STC2: variants seen among roughly 807,000 people sequenced by gnomAD.
STC2 encodes the protein stanniocalcin 2, also known as stanniocalcin-2.
STC2 carries 7 observed loss-of-function variants against 22.7 expected under a neutral mutation model. The ratio of observed to expected loss-of-function variants is 0.31; its 90% CI spans 0.18 to 0.58. The LOEUF (loss-of-function observed/expected upper bound fraction) is 0.58. Ranked by LOEUF, STC2 falls within the 20% of genes least tolerant of loss-of-function variation. STC2 has a pLI of 0.89. For synonymous variants in STC2, 158 were observed against 163.4 expected, an observed-to-expected ratio of 0.97 and a Z score of 0.25; for missense variants, 336 against 406.2, an observed-to-expected ratio of 0.83 and a Z score of 1.48.
chr5:173,323,409 C>T lies in STC2; in HGVS notation c.316G>A (p.Ala106Thr), dbSNP rs769283117. ...DAQGKSFIKD[A>T]LKCKAHALRH... The stretch of plus-strand genomic sequence containing the variant: ...AGAGCGTGGGCCTTACATTTCAAGG[C>T]GTCTTTGATGAATGACTTGCCCTGA... The change falls in exon 3 of 4, where the codon GCC becomes ACC. Residue 106 changes from alanine (A) to threonine (T), a missense_variant. Ala to Thr is a moderately conservative substitution (Grantham distance 58). Coordinates refer to ENST00000265087, the MANE Select transcript of STC2 (RefSeq NM_003714.3). The surrounding 1 kb of genome is among the most constrained non-coding windows in gnomAD (Gnocchi z 5.4). The T allele has an allele frequency of 5.1e-5, 82 of 1,612,466 alleles. No homozygotes were observed. The highest frequency in any genetic ancestry group is 6.4e-5 in the Non-Finnish European group (76 of 1,179,328).
In STC2 at chr5:173,315,997, G is replaced by C. The variant is rs1043949856; in HGVS notation, c.*1850C>G. ...GGCATAGAAATACTAGCTGTGTTTTGGTTGAAGGCATTCCCCAGGAACAAG... is the reference window on the plus strand; with the variant it reads ...GGCATAGAAATACTAGCTGTGTTTTCGTTGAAGGCATTCCCCAGGAACAAG... On this transcript the variant is annotated 3_prime_UTR_variant, in exon 4 of 4. Transcript: ENST00000265087. 1 of 152,226 alleles carries C rather than the reference G, an allele frequency of 6.6e-6. No homozygotes were observed. Among genetic ancestry groups the C allele is most frequent in the Non-Finnish European group, 1.5e-5 (1 of 68,062 alleles). The allele number at this position is 152,226 out of a possible 1,614,324, so 9.4% of individuals were successfully genotyped here.
In STC2 at chr5:173,328,288, C is replaced by A; in HGVS notation, c.-95G>T. On this transcript the variant is annotated 5_prime_UTR_variant, in exon 1 of 4. The change creates a new upstream start codon in the 5' untranslated region. Transcript: ENST00000265087. ...TCCTCCTTCGCCGCTTCCCCTCCTC[C>A]TCCCACTCTTCCTTTTTGCTCGCCT... 1 of 1,296,288 alleles carries A rather than the reference C, an allele frequency of 7.7e-7. No homozygotes were observed. The highest frequency in any genetic ancestry group is 2.1e-5 in the South Asian group (1 of 47,502). The allele number at this position is 1,296,288 out of a possible 1,614,324, so 80.3% of individuals were successfully genotyped here. A position where few individuals can be genotyped will look rare whatever the true frequency, so the allele number is the denominator to read the frequency against.
Position 173,325,806 on chromosome 5 carries a change from A to G in STC2, c.294+62T>C. On this transcript the variant is annotated intron_variant, in intron 2 of 3. Transcript: ENST00000265087. This position sits in a 1 kb window ranked among gnomAD's most constrained non-coding sequence, Gnocchi z 4.7. ...GGAAGTTGGTTAACAAGGCTTTCCAATGAACGTTTCAATCATGTATGCTCA... is the reference window on the plus strand; with the variant it reads ...GGAAGTTGGTTAACAAGGCTTTCCAGTGAACGTTTCAATCATGTATGCTCA... 4.4e-6 allele frequency: 7 copies of G among 1,605,954 alleles called. No individual in the cohort carries two copies. Among genetic ancestry groups the G allele is most frequent in the East Asian group, 2.2e-5 (1 of 44,694 alleles).
rs1762530984 is a variant in STC2, at chr5:173,325,118, T to C, written c.294+750A>G. 6.6e-6 allele frequency among the ~76,000 whole-genome samples: 1 copy of C among 152,210 alleles called. No homozygotes were observed. Among genetic ancestry groups the C allele is most frequent in the African/African-American group, 2.4e-5 (1 of 41,436 alleles). ...AAGCAGGAGAGACGTTTCTGAGATA[T>C]AGTAACAGGGCGTTTCAACAGGGCA... is the stretch of plus-strand genomic sequence containing the variant. On this transcript the variant is annotated intron_variant, in intron 2 of 3. Coordinates refer to ENST00000265087, the MANE Select transcript of STC2 (RefSeq NM_003714.3). The surrounding 1 kb of genome is among the most constrained non-coding windows in gnomAD (Gnocchi z 4.7).
At chr5:173,322,349 T>C (rs1228345390) in intron 3 of STC2, among the ~76,000 whole-genome samples, 1 of 152,210 alleles carries the variant, frequency 6.6e-6, no homozygotes, top group African/African-American at 2.4e-5. Flanking sequence ...TAGGAACAAT[T>C]GTGTACCAAC....
intron 2 of STC2, chr5:173,324,374 G>C (rs1762521212): frequency 6.6e-6 from 1 of 152,298 alleles, no homozygotes; most frequent in Non-Finnish European, 1.5e-5. Context: ...GCTGTCGTCG[G>C]AGAGGTCACC....
At position 173,328,384 on chromosome 5, in the gene STC2, A is replaced by T; in HGVS notation, c.-191T>A. The stretch of plus-strand genomic sequence containing the variant: ...GCCCTCCCGTAGCTCTCCGGAGAGC[A>T]TGTGACCAGGCCGTTAGCAGCGCCG... On this transcript the variant is annotated 5_prime_UTR_variant, in exon 1 of 4. It removes an upstream start codon present in the reference 5' UTR. Coordinates refer to ENST00000265087, the MANE Select transcript of STC2 (RefSeq NM_003714.3). The T allele has an allele frequency of 2.0e-6, 1 of 493,166 alleles. No homozygotes were observed. Among genetic ancestry groups the T allele is most frequent in the Non-Finnish European group, 3.3e-6 (1 of 302,838 alleles). The allele number at this position is 493,166 out of a possible 1,614,324, so 30.5% of individuals were successfully genotyped here.
In STC2 at chr5:173,323,450, G is replaced by A; in HGVS notation, c.295-20C>T. 3 of 1,588,736 alleles carry A rather than the reference G, an allele frequency of 1.9e-6. No individual in the cohort carries two copies. The highest frequency in any genetic ancestry group is 2.6e-6 in the Non-Finnish European group (3 of 1,165,666). ...CTTGCCCTGAGAACACACAGGCCGGGGAAGGGAGAGAGGGGCAGAAAGCAG... is the reference window on the plus strand; with the variant it reads ...CTTGCCCTGAGAACACACAGGCCGGAGAAGGGAGAGAGGGGCAGAAAGCAG... On this transcript the variant is annotated intron_variant, in intron 2 of 3. Coordinates refer to ENST00000265087, the MANE Select transcript of STC2 (RefSeq NM_003714.3). The surrounding 1 kb of genome is among the most constrained non-coding windows in gnomAD (Gnocchi z 5.4).
Position 173,317,736 on chromosome 5 carries a change from A to T in STC2, c.*111T>A, listed in dbSNP as rs1762438475. The T allele has an allele frequency of 1.4e-6, 2 of 1,409,686 alleles. No individual in the cohort carries two copies. The highest frequency in any genetic ancestry group is 1.9e-6 in the Non-Finnish European group (2 of 1,056,380). The allele number at this position is 1,409,686 out of a possible 1,614,324, so 87.3% of individuals were successfully genotyped here. On this transcript the variant is annotated 3_prime_UTR_variant, in exon 4 of 4. Coordinates refer to ENST00000265087, the MANE Select transcript of STC2 (RefSeq NM_003714.3). ...CACCTCGATGAAGTCCACAGTCCCC[A>T]CAGAATCCTGCGTGTGACATCCCCC... is the stretch of plus-strand genomic sequence containing the variant.
At chr5:173,319,582 T>G (rs1762463225) in intron 3 of STC2, among the ~76,000 whole-genome samples, 1 of 152,260 alleles carries the variant, frequency 6.6e-6, no homozygotes, top group Non-Finnish European at 1.5e-5. Context: ...CAGTTGTTGC[T>G]ATGTGGAAAG....
In STC2 at chr5:173,323,078, T is replaced by C; in HGVS notation, c.506+141A>G. 1 of 765,218 alleles carries C rather than the reference T, an allele frequency of 1.3e-6. No homozygotes were observed. Among genetic ancestry groups the C allele is most frequent in the South Asian group, 1.7e-5 (1 of 59,076 alleles). 47.4% of individuals were successfully genotyped at this position (765,218 alleles called of 1,614,324 possible). On this transcript the variant is annotated intron_variant, in intron 3 of 3. Coordinates refer to ENST00000265087, the MANE Select transcript of STC2 (RefSeq NM_003714.3). The surrounding 1 kb of genome is among the most constrained non-coding windows in gnomAD (Gnocchi z 5.4). Reference sequence around the variant, plus strand: ...GAAAGGGGCCTTTTAGTAGAGTCAGTGTAGCTTTCTGAAGTAAATGGAAGC... The same window carrying C: ...GAAAGGGGCCTTTTAGTAGAGTCAGCGTAGCTTTCTGAAGTAAATGGAAGC...
Position 173,315,296 on chromosome 5 carries a change from C to T in STC2, c.*2551G>A, listed in dbSNP as rs1398859361. Reference sequence around the variant, plus strand: ...TGCTTGCAGGAATGTGGACCTTCCTCAGTTTTAAGCAGAAGACCCTGAGCA... The same window carrying T: ...TGCTTGCAGGAATGTGGACCTTCCTTAGTTTTAAGCAGAAGACCCTGAGCA... On this transcript the variant is annotated 3_prime_UTR_variant, in exon 4 of 4. Coordinates refer to ENST00000265087, the MANE Select transcript of STC2 (RefSeq NM_003714.3). 6.6e-6 allele frequency: 1 copy of T among 152,166 alleles called. No individual in the cohort carries two copies. The highest frequency in any genetic ancestry group is 1.5e-5 in the Non-Finnish European group (1 of 68,036). The allele number at this position is 152,166 out of a possible 1,614,324, so 9.4% of individuals were successfully genotyped here. A position where few individuals can be genotyped will look rare whatever the true frequency, so the allele number is the denominator to read the frequency against.
In STC2 at chr5:173,316,825, G is replaced by A. The variant is rs1561642098; in HGVS notation, c.*1022C>T. On this transcript the variant is annotated 3_prime_UTR_variant, in exon 4 of 4. Coordinates refer to ENST00000265087, the MANE Select transcript of STC2 (RefSeq NM_003714.3). ...TTACCAATCTTGGCTGAGGGTCAAG[G>A]TGAGATAACGAAATCCTAAGGGAAA... 1 of 152,160 alleles carries A rather than the reference G, an allele frequency of 6.6e-6. No individual in the cohort carries two copies. Among genetic ancestry groups the A allele is most frequent in the Admixed American group, 6.5e-5 (1 of 15,282 alleles). 9.4% of individuals were successfully genotyped at this position (152,160 alleles called of 1,614,324 possible).
chr5:173,321,909 T>C (rs1762492009), intron 3 of STC2, among the ~76,000 whole-genome samples: 2 of 152,272 alleles, frequency 1.3e-5, no homozygotes, highest in Non-Finnish European at 2.9e-5. Flanking sequence ...AAATATTTTG[T>C]AAGGCGTTAG....
Position 173,325,914 on chromosome 5 carries a change from C to T in STC2, c.248G>A (p.Gly83Glu). ...GTTGTGCAGAAAAGTCATGCAAATCCCATGTAAGCCCCGAATCTCACAAGA... is the reference window on the plus strand; with the variant it reads ...GTTGTGCAGAAAAGTCATGCAAATCTCATGTAAGCCCCGAATCTCACAAGA... ...NNSCEIRGLH[G>E]ICMTFLHNAG... is the part of the protein sequence containing the mutation. Residue 83 changes from glycine (G) to glutamate (E), a missense_variant, in exon 2 of 4, where the codon GGG becomes GAG. Gly to Glu is a moderately conservative substitution (Grantham distance 98). This residue lies in a region of STC2 where 99 missense variants were observed against 122.7 expected (regional missense o/e 0.81). Coordinates refer to ENST00000265087, the MANE Select transcript of STC2 (RefSeq NM_003714.3). This position sits in a 1 kb window ranked among gnomAD's most constrained non-coding sequence, Gnocchi z 4.7. 1 of 1,614,166 alleles carries T rather than the reference C, an allele frequency of 6.2e-7. No individual in the cohort carries two copies. The highest frequency in any genetic ancestry group is 8.5e-7 in the Non-Finnish European group (1 of 1,180,036).
At chr5:173,327,890 C>T (rs1581141326) in intron 1 of STC2, among the ~76,000 whole-genome samples, 153 bp downstream of exon 1, 1 of 152,244 alleles carries the variant, frequency 6.6e-6, no homozygotes, top group East Asian at 1.9e-4. Context: ...CCTCGCCTTG[C>T]CTCGCGCTTC....
chr5:173,321,469 G>A (rs775688999), intron 3 of STC2, among the ~76,000 whole-genome samples: 7 of 149,720 alleles, frequency 4.7e-5, no homozygotes, highest in Non-Finnish European at 8.9e-5. Context: ...CCTGAAGGAA[G>A]GGAATTTTAG....
rs1005395155 is a variant in STC2, at chr5:173,315,194, G to A, written c.*2653C>T. On this transcript the variant is annotated 3_prime_UTR_variant, in exon 4 of 4. Coordinates refer to ENST00000265087, the MANE Select transcript of STC2 (RefSeq NM_003714.3). Reference sequence around the variant, plus strand: ...AGGCTCATGAGTAAATTTGTATGCAGTATAAAGCCCAAGTAGAGGGTGTAT... The same window carrying A: ...AGGCTCATGAGTAAATTTGTATGCAATATAAAGCCCAAGTAGAGGGTGTAT... The A allele has an allele frequency of 2.0e-5, 3 of 152,184 alleles. No individual in the cohort carries two copies. Among genetic ancestry groups the A allele is most frequent in the Admixed American group, 6.5e-5 (1 of 15,276 alleles). 9.4% of individuals were successfully genotyped at this position (152,184 alleles called of 1,614,324 possible).
chr5:173,328,385 T>C lies in STC2; in HGVS notation c.-192A>G. 2 of 487,694 alleles carry C rather than the reference T, an allele frequency of 4.1e-6. No individual in the cohort carries two copies. The highest frequency in any genetic ancestry group is 3.5e-5 in the East Asian group (1 of 28,456). The allele number at this position is 487,694 out of a possible 1,614,324, so 30.2% of individuals were successfully genotyped here. A position where few individuals can be genotyped will look rare whatever the true frequency, so the allele number is the denominator to read the frequency against. On this transcript the variant is annotated 5_prime_UTR_variant, in exon 1 of 4. It removes an upstream start codon present in the reference 5' UTR. Transcript: ENST00000265087. ...CCCTCCCGTAGCTCTCCGGAGAGCA[T>C]GTGACCAGGCCGTTAGCAGCGCCGC...
Sources: allele counts gnomAD v4.1 joint callset (sites outside exome capture counted in the v4.1 genomes callset), GRCh38; gene constraint gnomAD v4.1.1; regional missense constraint gnomAD v4.1.1; non-coding constraint Gnocchi (gnomAD v3.1); transcripts MANE v1.5; gene names NCBI Gene and HGNC (gene_info 2026-07-23, HGNC 2026-07-21).